ZNF385D: variants seen among roughly 807,000 people sequenced by gnomAD.
ZNF385D encodes zinc finger protein 659.
ZNF385D carries 15 observed loss-of-function variants against 35.8 expected under a neutral mutation model. The ratio of observed to expected loss-of-function variants is 0.42; its 90% CI spans 0.28 to 0.64. The LOEUF (loss-of-function observed/expected upper bound fraction) is 0.64, where lower values mean the gene tolerates loss of function less well. ZNF385D is among the 30% of genes least tolerant of loss of function. The pLI, the probability that ZNF385D is intolerant of heterozygous loss-of-function variation, is 0.23. For missense variants in ZNF385D, 474 were observed against 494.6 expected (o/e 0.96, Z 0.39); for synonymous variants, 212 against 186.8 (o/e 1.13, Z -1.10).
At chr3:22,006,899 T>C (rs1229969016) in intron 3 of ZNF385D, among the ~76,000 whole-genome samples, 1 of 151,984 alleles carries the variant, frequency 6.6e-6, no homozygotes, top group South Asian at 2.1e-4. Flanking sequence ...CTGTGTTTTA[T>C]AAGTCATTTA....
chr3:21,873,561 G>A (rs1455284020), intron 3 of ZNF385D, among the ~76,000 whole-genome samples: 1 of 151,994 alleles, frequency 6.6e-6, no homozygotes, highest in Non-Finnish European at 1.5e-5. Context: ...TAAGCACTAT[G>A]TTACACAGCT....
chr3:21,949,889 T>C (rs1269436189), intron 3 of ZNF385D, among the ~76,000 whole-genome samples: 1 of 152,158 alleles, frequency 6.6e-6, no homozygotes, highest in Non-Finnish European at 1.5e-5. Context: ...CATGAACTCA[T>C]CCTTTTTTAT....
intron 3 of ZNF385D, among the ~76,000 whole-genome samples, chr3:22,041,608 C>G (rs796289482): frequency 1.3e-5 from 2 of 152,078 alleles, no homozygotes; most frequent in Non-Finnish European, 2.9e-5. Context: ...ACTGGGTGAT[C>G]TGAACACTAA....
chr3:21,918,754 A>C (rs901768404), intron 3 of ZNF385D, among the ~76,000 whole-genome samples: 12 of 152,162 alleles, frequency 7.9e-5, no homozygotes, highest in African/African-American at 2.2e-4. Context: ...TTTTATTGGC[A>C]GAAGTGTGCA....
intron 2 of ZNF385D, among the ~76,000 whole-genome samples, chr3:21,617,536 GAAC>G (rs763947397): frequency 1.3e-5 from 2 of 152,130 alleles, no homozygotes; most frequent in Non-Finnish European, 2.9e-5. Flanking sequence ...TTCATCCTCG[GAAC>G]AACCCCACGA....
chr3:21,916,031 T>C (rs546123583), intron 3 of ZNF385D, among the ~76,000 whole-genome samples: 57 of 152,270 alleles, frequency 3.7e-4, no homozygotes, highest in African/African-American at 1.3e-3. Flanking sequence ...CTAGGTTTTG[T>C]TTTAAAAGAT....
chr3:21,472,545 A>G (rs1301656221), intron 4 of ZNF385D, among the ~76,000 whole-genome samples: 1 of 152,164 alleles, frequency 6.6e-6, no homozygotes, highest in Non-Finnish European at 1.5e-5. Context: ...TTGTTTCTAT[A>G]TTGTTAAATT....
intron 2 of ZNF385D, among the ~76,000 whole-genome samples, chr3:21,623,123 C>T (rs921440226): frequency 9.2e-5 from 14 of 152,038 alleles, no homozygotes; most frequent in African/African-American, 3.4e-4. Context: ...GTGATTTTGG[C>T]TCTCAGTTTC....
chr3:22,174,290 AG>A (rs1694671571), intron 2 of ZNF385D, among the ~76,000 whole-genome samples: 3 of 152,134 alleles, frequency 2.0e-5, no homozygotes, highest in Admixed American at 1.3e-4. Flanking sequence ...GATTGCCTTT[AG>A]TCACTGTTCT....
At position 21,834,733 on chromosome 3, in the gene ZNF385D, C is replaced by A. The variant is rs547824280; in HGVS notation, c.326-169705G>T. On this transcript the variant is annotated intron_variant, in intron 3 of 5. Coordinates refer to the ZNF385D transcript ENST00000494108. ...CCCAAATCTCATCTTGGACTGTAAT[C>A]CCCACGTGTCGACAGTGGGATCTCG... Among the ~76,000 whole-genome samples, 57 of 151,378 alleles carry A rather than the reference C, an allele frequency of 3.8e-4. 1 individual carries two copies. Among genetic ancestry groups the A allele is most frequent in the African/African-American group, 1.4e-3 (57 of 41,178 alleles).
chr3:21,651,978 C>G (rs571356168), intron 2 of ZNF385D, among the ~76,000 whole-genome samples: 1 of 152,286 alleles, frequency 6.6e-6, no homozygotes, highest in South Asian at 2.1e-4. Flanking sequence ...TACTCTGAAA[C>G]TTGATGCCAG....
At chr3:21,650,854 A>G (rs1415312912) in intron 2 of ZNF385D, among the ~76,000 whole-genome samples, 1 of 152,150 alleles carries the variant, frequency 6.6e-6, no homozygotes, top group East Asian at 1.9e-4. Flanking sequence ...ACCTAAACTG[A>G]GAGTTAACTG....
intron 2 of ZNF385D, among the ~76,000 whole-genome samples, chr3:22,344,462 T>C (rs2125484897): frequency 6.6e-6 from 1 of 152,276 alleles, no homozygotes; most frequent in East Asian, 1.9e-4. Context: ...TGATCACAGC[T>C]CACAGCAGCC....
chr3:22,370,970 A>G (rs1465470297), intron 2 of ZNF385D, among the ~76,000 whole-genome samples: 1 of 152,204 alleles, frequency 6.6e-6, no homozygotes, highest in Non-Finnish European at 1.5e-5. Context: ...GAGATAATAC[A>G]TTAACTCAAG....
chr3:21,902,171 A>G (rs908204830), intron 3 of ZNF385D, among the ~76,000 whole-genome samples: 1 of 152,204 alleles, frequency 6.6e-6, no homozygotes, highest in African/African-American at 2.4e-5. Context: ...CTTTATTTCA[A>G]ATTAAATTTA....
intron 3 of ZNF385D, among the ~76,000 whole-genome samples, chr3:22,024,606 A>G (rs1251769234): frequency 1.3e-5 from 2 of 152,202 alleles, no homozygotes; most frequent in African/African-American, 2.4e-5. Context: ...TCATAATAGT[A>G]TCATTAACTT....
At chr3:21,503,276 T>A (rs1405699707) in intron 4 of ZNF385D, among the ~76,000 whole-genome samples, 1 of 152,206 alleles carries the variant, frequency 6.6e-6, no homozygotes, top group Non-Finnish European at 1.5e-5. Flanking sequence ...TCATGTACAA[T>A]ATATCCTATA....
intron 3 of ZNF385D, among the ~76,000 whole-genome samples, chr3:21,847,227 T>C (rs1297042912): frequency 6.6e-6 from 1 of 152,024 alleles, no homozygotes; most frequent in Non-Finnish European, 1.5e-5. Context: ...CCTGAATGAA[T>C]AAAAGAGGTG....
chr3:21,739,712 G>C (rs935841732), intron 1 of ZNF385D, among the ~76,000 whole-genome samples: 1 of 152,160 alleles, frequency 6.6e-6, no homozygotes, highest in Non-Finnish European at 1.5e-5. Flanking sequence ...CTTGTACAGA[G>C]ATGATGCAAT....
Sources: allele counts gnomAD v4.1 joint callset (sites outside exome capture counted in the v4.1 genomes callset), GRCh38; gene constraint gnomAD v4.1.1; transcripts MANE v1.5; gene names NCBI Gene and HGNC (gene_info 2026-07-23, HGNC 2026-07-21).